The following GDAP1 variants were observed in gnomAD, a reference collection of about 807,000 sequenced individuals.
GDAP1 encodes ganglioside-induced differentiation-associated protein 1.
GDAP1 carries 34 observed loss-of-function variants against 40.1 expected under a neutral mutation model. The ratio of observed to expected loss-of-function variants is 0.85; its 90% CI spans 0.64 to 1.13. GDAP1 has a LOEUF of 1.13. GDAP1 is among the 50% of genes most tolerant of loss of function. The pLI, the probability that GDAP1 is intolerant of heterozygous loss-of-function variation, is 0.00. For synonymous variants in GDAP1, 170 were observed against 157.4 expected, an observed-to-expected ratio of 1.08 and a Z score of -0.60; for missense variants, 374 against 433.7, an observed-to-expected ratio of 0.86 and a Z score of 1.22.
rs118110298 is a variant in GDAP1 at position 74,360,726 on chromosome 8, A to G, written c.484+416A>G. On this transcript the variant is annotated intron_variant, in intron 3 of 5. Coordinates refer to ENST00000220822, the MANE Select transcript of GDAP1 (RefSeq NM_018972.4). ...TCGTTATTTGAGGAAACTGGACTAG[A>G]GGGTGTCTAACTATTACTCTGTCTC... is the stretch of plus-strand genomic sequence containing the variant. Among the ~76,000 whole-genome samples the G allele has an allele frequency of 4.7e-3, 723 of 152,328 alleles. 3 individuals carry two copies. The highest frequency in any genetic ancestry group is 5.5e-3 in the Non-Finnish European group (373 of 68,040).
intron 2 of GDAP1, among the ~76,000 whole-genome samples, chr8:74,359,388 C>T (rs1009985849): frequency 5.9e-5 from 9 of 152,148 alleles, no homozygotes; most frequent in Admixed American, 1.3e-4. Context: ...GTACATGGTC[C>T]CTGCCCTCAA....
At chr8:74,359,076 A>G (rs1290969061) in intron 2 of GDAP1, among the ~76,000 whole-genome samples, 1 of 152,172 alleles carries the variant, frequency 6.6e-6, no homozygotes, top group East Asian at 1.9e-4. Flanking sequence ...CTTCACTTTT[A>G]TTCTTTTTCG....
At chr8:74,481,799 G>A (rs1440537930) in intron 2 of GDAP1, among the ~76,000 whole-genome samples, 1 of 152,164 alleles carries the variant, frequency 6.6e-6, no homozygotes, top group Non-Finnish European at 1.5e-5. Context: ...ACAATAAGGA[G>A]AAGGGGGCTA....
At chr8:74,464,828 T>C (rs1450226532) in intron 2 of GDAP1, among the ~76,000 whole-genome samples, 2 of 152,220 alleles carry the variant, frequency 1.3e-5, no homozygotes, top group African/African-American at 4.8e-5. Context: ...CTGCCTACTG[T>C]CATCTTAAAT....
chr8:74,464,043 A>G (rs956169361), intron 2 of GDAP1, among the ~76,000 whole-genome samples: 7 of 152,210 alleles, frequency 4.6e-5, no homozygotes, highest in African/African-American at 1.4e-4. Flanking sequence ...ATGTTTAACA[A>G]TACCATCCCA....
intron 2 of GDAP1, among the ~76,000 whole-genome samples, chr8:74,410,443 T>A (rs1318848949): frequency 6.7e-6 from 1 of 150,150 alleles, no homozygotes; most frequent in Admixed American, 6.6e-5. Context: ...CAAGACATAA[T>A]TAAAAATAGT....
chr8:74,454,350 A>T (rs1367659496), intron 2 of GDAP1, among the ~76,000 whole-genome samples: 1 of 83,502 alleles, frequency 1.2e-5, no homozygotes, highest in Admixed American at 1.2e-4. Flanking sequence ...TATGGGAGAC[A>T]AGGGCCAGGT....
intron 2 of GDAP1, among the ~76,000 whole-genome samples, chr8:74,419,200 C>G (rs1372531054): frequency 6.6e-6 from 1 of 152,164 alleles, no homozygotes; most frequent in Admixed American, 6.5e-5. Flanking sequence ...GAAACAAAAA[C>G]TTGTGTTCAC....
intron 2 of GDAP1, among the ~76,000 whole-genome samples, chr8:74,475,307 A>T (rs2128721038): frequency 6.6e-6 from 1 of 151,218 alleles, no homozygotes; most frequent in Non-Finnish European, 1.5e-5. Flanking sequence ...GATTTTGCTT[A>T]TTCCTTGTCT....
At chr8:74,437,279 G>C (rs917683606) in intron 2 of GDAP1, among the ~76,000 whole-genome samples, 1 of 152,120 alleles carries the variant, frequency 6.6e-6, no homozygotes, top group African/African-American at 2.4e-5. Context: ...TACAGATGAG[G>C]CAAGTAAGGC....
intron 2 of GDAP1, among the ~76,000 whole-genome samples, chr8:74,418,985 A>T (rs1805822481): frequency 6.6e-6 from 1 of 152,222 alleles, no homozygotes; most frequent in Non-Finnish European, 1.5e-5. Flanking sequence ...GTAAAATAAC[A>T]GCAAAACGTT....
In GDAP1 at chr8:74,360,183, A is replaced by C; in HGVS notation, c.357A>C (p.Pro119=). 3.1e-6 allele frequency: 5 copies of C among 1,612,792 alleles called. No homozygotes were observed. Among genetic ancestry groups the C allele is most frequent in the Non-Finnish European group, 4.2e-6 (5 of 1,178,710 alleles). Residue 119 remains proline, a synonymous_variant, in exon 3 of 6, where the codon CCA becomes CCC. Coordinates refer to ENST00000220822, the MANE Select transcript of GDAP1 (RefSeq NM_018972.4). The stretch of plus-strand genomic sequence containing the variant: ...CTGATAAAGAAAGCATGTATTACCC[A>C]CGGGTACAACATTACCGAGAGCTGC... The part of the protein sequence containing the change: ...LMPDKESMYY[P]RVQHYRELLD...
At chr8:74,446,308 A>G (rs1210197208) in intron 2 of GDAP1, among the ~76,000 whole-genome samples, 2 of 152,168 alleles carry the variant, frequency 1.3e-5, no homozygotes, top group Non-Finnish European at 2.9e-5. Flanking sequence ...ATAAAGCAAC[A>G]GAAAAAATCC....
intron 2 of GDAP1, among the ~76,000 whole-genome samples, chr8:74,462,500 T>C (rs1173103372): frequency 1.3e-5 from 2 of 152,286 alleles, no homozygotes; most frequent in Non-Finnish European, 2.9e-5. Flanking sequence ...AATCGTTCAT[T>C]CCAGCTGATG....
chr8:74,373,864 G>A (rs974020347), intron 2 of GDAP1, among the ~76,000 whole-genome samples: 2 of 152,122 alleles, frequency 1.3e-5, no homozygotes, highest in Non-Finnish European at 1.5e-5. Flanking sequence ...TCCAGTTTTT[G>A]TCCATTCAGT....
intron 2 of GDAP1, among the ~76,000 whole-genome samples, chr8:74,475,393 C>A (rs1476260796): frequency 1.3e-5 from 2 of 151,978 alleles, no homozygotes; most frequent in East Asian, 1.9e-4. Flanking sequence ...AACTTGAGAT[C>A]TTTCTAACTT....
chr8:74,439,221 T>TTA (rs932137491), intron 2 of GDAP1, among the ~76,000 whole-genome samples: 3 of 152,000 alleles, frequency 2.0e-5, no homozygotes, highest in Admixed American at 6.6e-5. Flanking sequence ...TATATACATG[T>TTA]TATATATATA....
At chr8:74,403,055 A>G (rs969796294) in intron 2 of GDAP1, among the ~76,000 whole-genome samples, 1 of 150,248 alleles carries the variant, frequency 6.7e-6, no homozygotes, top group Non-Finnish European at 1.5e-5. Flanking sequence ...GGACATTTTC[A>G]TTACAAACAC....
chr8:74,379,100 A>C (rs1809906859), intron 2 of GDAP1, among the ~76,000 whole-genome samples: 1 of 93,278 alleles, frequency 1.1e-5, no homozygotes, highest in African/African-American at 3.9e-5. Context: ...AATGTGGGTC[A>C]TAGAGAGATC....
Sources: gnomAD v4.1 joint callset for allele counts (sites outside exome capture counted in the v4.1 genomes callset) on GRCh38, gnomAD v4.1.1 for gene constraint, MANE v1.5 for transcripts, NCBI Gene and HGNC (gene_info 2026-07-23, HGNC 2026-07-21) for gene names.